Variants in ERBB4 observed in about 807,000 individuals in gnomAD.
ERBB4 encodes the protein receptor tyrosine-protein kinase erbB-4.
A neutral mutation model predicts 158.0 loss-of-function variants in ERBB4; 42 were observed. The observed-to-expected ratio is 0.27, with a 90% CI of 0.21 to 0.34. The LOEUF (loss-of-function observed/expected upper bound fraction) is 0.34, where lower values mean the gene tolerates loss of function less well. ERBB4 is among the 10% of genes least tolerant of loss of function. ERBB4 has a pLI of 1.00. For synonymous variants in ERBB4, 583 were observed against 558.7 expected (o/e 1.04, Z -0.61); for missense variants, 1,333 against 1,624.1 (o/e 0.82, Z 3.08).
chr2:212,460,016 C>T (rs1688493354), intron 1 of ERBB4, among the ~76,000 whole-genome samples: 1 of 152,096 alleles, frequency 6.6e-6, no homozygotes, highest in Non-Finnish European at 1.5e-5. Flanking sequence ...GTAAGTCTTT[C>T]TCATGCTGTT....
chr2:212,352,333 A>C (rs2089288908), intron 1 of ERBB4, among the ~76,000 whole-genome samples: 1 of 151,970 alleles, frequency 6.6e-6, no homozygotes, highest in Admixed American at 6.6e-5. Flanking sequence ...GTTAAAAAAA[A>C]AAAAACACTT....
At chr2:212,222,048 TTATAA>T (rs1318504782) in intron 1 of ERBB4, among the ~76,000 whole-genome samples, 1 of 151,570 alleles carries the variant, frequency 6.6e-6, no homozygotes, top group Non-Finnish European at 1.5e-5. Flanking sequence ...GAGTAAACAA[TTATAA>T]TAGTAGCTTT....
intron 1 of ERBB4, among the ~76,000 whole-genome samples, chr2:212,251,928 TA>T (rs2106051899): frequency 6.6e-6 from 1 of 151,986 alleles, no homozygotes; most frequent in African/African-American, 2.4e-5. Context: ...ATCACAAGGG[TA>T]AAAACAAGAC....
At chr2:211,907,262 T>G (rs2125046858) in intron 3 of ERBB4, among the ~76,000 whole-genome samples, 1 of 151,914 alleles carries the variant, frequency 6.6e-6, no homozygotes, top group East Asian at 2.0e-4. Flanking sequence ...AGAAAGGCAC[T>G]GGGAATCTTC....
At chr2:211,862,233 T>G (rs1347093655) in intron 3 of ERBB4, among the ~76,000 whole-genome samples, 1 of 152,154 alleles carries the variant, frequency 6.6e-6, no homozygotes, top group Admixed American at 6.5e-5. Flanking sequence ...TTTAACATAT[T>G]TATCGGCTAA....
chr2:211,483,852 A>G (rs901590765), intron 20 of ERBB4, among the ~76,000 whole-genome samples: 24 of 152,088 alleles, frequency 1.6e-4, no homozygotes, highest in Non-Finnish European at 1.3e-4. Context: ...TGCCCGGCCA[A>G]GAATGACAAC....
At chr2:212,274,426 T>C (rs577322005) in intron 1 of ERBB4, among the ~76,000 whole-genome samples, 1 of 151,960 alleles carries the variant, frequency 6.6e-6, no homozygotes, top group South Asian at 2.1e-4. Flanking sequence ...TATTGGGAGA[T>C]GAACTGCTCA....
intron 1 of ERBB4, among the ~76,000 whole-genome samples, chr2:212,444,524 G>C (rs2092313212): frequency 6.6e-6 from 1 of 152,168 alleles, no homozygotes; most frequent in African/African-American, 2.4e-5. Context: ...GAAGATATTT[G>C]TTTCCCATGT....
At chr2:212,461,688 G>GT in intron 1 of ERBB4, among the ~76,000 whole-genome samples, 1 of 152,242 alleles carries the variant, frequency 6.6e-6, no homozygotes, top group Non-Finnish European at 1.5e-5. Flanking sequence ...ATGTGAGGAT[G>GT]TGAGATTGGG....
chr2:212,392,806 G>A (rs1454366249), intron 1 of ERBB4, among the ~76,000 whole-genome samples: 1 of 151,972 alleles, frequency 6.6e-6, no homozygotes, highest in East Asian at 1.9e-4. Flanking sequence ...CAAACTATGA[G>A]CTGTGAGCAG....
chr2:211,569,552 G>A (rs2067651706), intron 19 of ERBB4, among the ~76,000 whole-genome samples: 1 of 152,180 alleles, frequency 6.6e-6, no homozygotes, highest in Admixed American at 6.5e-5. Context: ...ACAGAGTGTT[G>A]TGATAGATAA....
intron 4 of ERBB4, among the ~76,000 whole-genome samples, chr2:211,780,814 C>T (rs540585153): frequency 8.5e-5 from 13 of 152,248 alleles, no homozygotes; most frequent in African/African-American, 2.2e-4. Context: ...TCTGTTTTAT[C>T]GGTATTTTAG....
intron 3 of ERBB4, among the ~76,000 whole-genome samples, chr2:211,896,975 G>A (rs1375428880): frequency 3.3e-5 from 5 of 151,486 alleles, no homozygotes; most frequent in African/African-American, 7.3e-5. Context: ...CTTTGGGGAA[G>A]TGAATATTAA....
At chr2:212,346,250 G>C (rs1394785) in intron 1 of ERBB4, among the ~76,000 whole-genome samples, 104,187 of 151,838 alleles carry the variant, frequency 0.69, 35,903 homozygotes, top group East Asian at 0.79. Context: ...TTTAACAGAT[G>C]TGCTGTATCT....
intron 1 of ERBB4, among the ~76,000 whole-genome samples, chr2:212,456,108 G>C (rs556761420): frequency 1.3e-5 from 2 of 152,070 alleles, no homozygotes; most frequent in African/African-American, 4.8e-5. Context: ...CAAGTAAACT[G>C]TAGTACACAC....
intron 1 of ERBB4, among the ~76,000 whole-genome samples, chr2:212,414,270 A>G (rs1275752375): frequency 6.6e-6 from 1 of 152,224 alleles, no homozygotes; most frequent in African/African-American, 2.4e-5. Context: ...AAACTTCTCA[A>G]TTGGCAGATT....
chr2:211,592,715 T>C (rs2125795553), intron 19 of ERBB4, among the ~76,000 whole-genome samples: 1 of 152,188 alleles, frequency 6.6e-6, no homozygotes, highest in African/African-American at 2.4e-5. Flanking sequence ...GAACTTAAAA[T>C]AGTATAAAAG....
chr2:211,817,060 T>C (rs2076894041), intron 3 of ERBB4, among the ~76,000 whole-genome samples: 1 of 152,192 alleles, frequency 6.6e-6, no homozygotes, highest in African/African-American at 2.4e-5. Context: ...TTTAGATAGT[T>C]TTAATGTGAA....
intron 2 of ERBB4, among the ~76,000 whole-genome samples, chr2:212,101,825 G>T (rs77136651): frequency 1.3e-5 from 2 of 151,314 alleles, no homozygotes; most frequent in Non-Finnish European, 2.9e-5. Context: ...TTCCTCTCCC[G>T]CTGGAAGCTT....
Sources: gnomAD v4.1 joint callset for allele counts (sites outside exome capture counted in the v4.1 genomes callset) on GRCh38, gnomAD v4.1.1 for gene constraint, MANE v1.5 for transcripts, NCBI Gene and HGNC (gene_info 2026-07-23, HGNC 2026-07-21) for gene names.